Variants in COIL observed in about 807,000 individuals in gnomAD.
COIL encodes coilin p80.
Under a neutral mutation model 51.6 loss-of-function variants are expected in COIL, and 28 were observed. The observed-to-expected ratio is 0.54, with a 90% confidence interval of 0.40 to 0.74. COIL has a LOEUF of 0.74. Among genes scored for constraint, COIL ranks in the 30% least tolerant of loss-of-function variants. The pLI, the probability that COIL is intolerant of heterozygous loss-of-function variation, is 0.00. For missense variants in COIL, 667 were observed against 685.9 expected, an observed-to-expected ratio of 0.97 and a Z score of 0.31; for synonymous variants, 233 against 255.8, an observed-to-expected ratio of 0.91 and a Z score of 0.85.
At chr17:56,958,919 G>A (rs1304973919) in intron 1 of COIL, among the ~76,000 whole-genome samples, 1 of 152,170 alleles carries the variant, frequency 6.6e-6, no homozygotes, top group Non-Finnish European at 1.5e-5. Context: ...TAAATTCCCT[G>A]ATGTTCTGAA....
chr17:56,946,561 AT>A (rs764302069), intron 4 of COIL, 50 bp from the exon 5 acceptor site: 2 of 1,220,612 alleles, frequency 1.6e-6, no homozygotes, highest in South Asian at 2.6e-5. Flanking sequence ...AACACTGTGA[AT>A]ATACTAAAAA....
rs766262737 is a variant in COIL, at chr17:56,949,672, G to A, written c.1440+9C>T. On this transcript the variant is annotated intron_variant, in intron 3 of 6. Transcript: ENST00000240316. ...CCTTTTTTGCTGTGACTGTTCTTTT[G>A]AAATATACCTTAAATGCAATCTTTT... 6.2e-7 allele frequency: 1 copy of A among 1,609,942 alleles called. No homozygotes were observed. The highest frequency in any genetic ancestry group is 8.5e-7 in the Non-Finnish European group (1 of 1,176,190).
chr17:56,951,835 C>T (rs1362562600), intron 1 of COIL: 2 of 151,254 alleles, frequency 1.3e-5, no homozygotes, highest in Non-Finnish European at 2.9e-5. Flanking sequence ...GTCCCAACTC[C>T]GTCACCCAGG....
In COIL at chr17:56,949,547, T is replaced by A. The variant is rs1478878654; in HGVS notation, c.1441-113A>T. The A allele has an allele frequency of 4.3e-6, 6 of 1,397,492 alleles. No homozygotes were observed. In the South Asian group the frequency reaches 5.8e-5, roughly 14 times the overall value. 86.6% of individuals were successfully genotyped at this position (1,397,492 alleles called of 1,614,324 possible). A position where few individuals can be genotyped will look rare whatever the true frequency, so the allele number is the denominator to read the frequency against. ...TCCACCCCGACCAGTCTGGGAGCCC[T>A]ACCAGGAACCCGTAACAACACTGGG... On this transcript the variant is annotated intron_variant, in intron 3 of 6. Coordinates refer to ENST00000240316, the MANE Select transcript of COIL (RefSeq NM_004645.3).
rs2144399482 is a variant in COIL at position 56,950,898 on chromosome 17, T to C, written c.344A>G (p.Gln115Arg). 5 of 1,613,954 alleles carry C rather than the reference T, an allele frequency of 3.1e-6. No homozygotes were observed. The highest frequency in any genetic ancestry group is 4.5e-5 in the East Asian group (2 of 44,878). ...SLRKAKKRAF[Q>R]LEEGEETEPD... ...TTCAGTTTCTTCACCCTCCTCTAACTGAAATGCCCGCTTCTTTGCTTTTCT... is the reference window on the plus strand; with the variant it reads ...TTCAGTTTCTTCACCCTCCTCTAACCGAAATGCCCGCTTCTTTGCTTTTCT... Residue 115 changes from glutamine (Q) to arginine (R), a missense_variant, in exon 2 of 7, where the codon CAG becomes CGG. Physicochemically the swap from Gln to Arg is conservative, Grantham distance 43 (BLOSUM62 1). Coordinates refer to ENST00000240316, the MANE Select transcript of COIL (RefSeq NM_004645.3).
intron 1 of COIL, among the ~76,000 whole-genome samples, chr17:56,959,092 C>T (rs1910532995): frequency 6.6e-6 from 1 of 152,046 alleles, no homozygotes. Context: ...CGCCTGTAAT[C>T]CCAGTGCTTT....
intron 1 of COIL, among the ~76,000 whole-genome samples, chr17:56,959,188 T>C (rs559150263): frequency 2.0e-5 from 3 of 151,790 alleles, no homozygotes; most frequent in South Asian, 4.2e-4. Flanking sequence ...CTACAACAAA[T>C]ACAAAAATTA....
At position 56,949,712 on chromosome 17, in the gene COIL, G is replaced by T. The variant is rs748265700; in HGVS notation, c.1409C>A (p.Ala470Asp). The T allele has an allele frequency of 6.2e-7, 1 of 1,614,160 alleles. No homozygotes were observed. Among genetic ancestry groups the T allele is most frequent in the Non-Finnish European group, 8.5e-7 (1 of 1,179,984 alleles). ...TGCAATCTTTTCTCCAACTTGAGGG[G>T]CAGCTGCTAACAGTGGTAACAGACT... ...DYSLLPLLAA[A>D]PQVGEKIAFK... is the part of the protein sequence containing the mutation. Residue 470 changes from alanine to aspartate, a missense_variant, in exon 3 of 7, where the codon GCC (alanine) becomes GAC (aspartate). By Grantham distance (126) the Ala-to-Asp change is moderately radical. Transcript: ENST00000240316.
intron 6 of COIL, among the ~76,000 whole-genome samples, chr17:56,941,778 C>T (rs1910153336): frequency 6.6e-6 from 1 of 152,222 alleles, no homozygotes; most frequent in African/African-American, 2.4e-5. Flanking sequence ...ATATGCTACC[C>T]TTTCCTACTG....
chr17:56,955,994 T>C lies in COIL; in HGVS notation c.245+4781A>G, dbSNP rs192948030. Among the ~76,000 whole-genome samples the C allele has an allele frequency of 6.6e-5, 10 of 152,202 alleles. No individual in the cohort carries two copies. In the East Asian group the frequency reaches 9.6e-4, roughly 15 times the overall value. ...CTTTATATACTGAGATAGCCCATGATAGGTAAAAAAGCAAGGTGCAGAACA... is the reference window on the plus strand; with the variant it reads ...CTTTATATACTGAGATAGCCCATGACAGGTAAAAAAGCAAGGTGCAGAACA... On this transcript the variant is annotated intron_variant, in intron 1 of 6. Coordinates refer to ENST00000240316, the MANE Select transcript of COIL (RefSeq NM_004645.3).
chr17:56,951,432 G>A (rs1910367735), intron 1 of COIL: 1 of 155,440 alleles, frequency 6.4e-6, no homozygotes, highest in African/African-American at 2.4e-5. Context: ...CCTAAAAGGT[G>A]ATAATGCTGA....
At chr17:56,943,182 G>A (rs1021378322) in intron 5 of COIL, among the ~76,000 whole-genome samples, 2 of 152,160 alleles carry the variant, frequency 1.3e-5, no homozygotes, top group Admixed American at 1.3e-4. Context: ...TTGTGCAACT[G>A]TTATACTCTT....
intron 2 of COIL, 34 bp downstream of exon 2, chr17:56,949,855 A>G: frequency 1.2e-6 from 2 of 1,610,860 alleles, no homozygotes; most frequent in South Asian, 2.2e-5. Flanking sequence ...CTAAGGGGAA[A>G]GGGAGGAGAT....
chr17:56,960,763 T>G lies in COIL; in HGVS notation c.245+12A>C. On this transcript the variant is annotated intron_variant, in intron 1 of 6. Transcript: ENST00000240316. The stretch of plus-strand genomic sequence containing the variant: ...CCGCCCACCCGGCCGTCCCGCTCCC[T>G]GCGCCGCGCACCTGAGGCAGTCGTT... The G allele has an allele frequency of 7.0e-7, 1 of 1,423,858 alleles. No homozygotes were observed. The highest frequency in any genetic ancestry group is 9.3e-7 in the Non-Finnish European group (1 of 1,071,390). The allele number at this position is 1,423,858 out of a possible 1,614,324, so 88.2% of individuals were successfully genotyped here. A position where few individuals can be genotyped will look rare whatever the true frequency, so the allele number is the denominator to read the frequency against.
chr17:56,949,483 C>T, intron 3 of COIL, 49 bp from the exon 4 acceptor site: 2 of 1,564,126 alleles, frequency 1.3e-6, no homozygotes, highest in Non-Finnish European at 1.8e-6. Flanking sequence ...CTTATCCTCT[C>T]CCATTCCCAC....
In COIL at chr17:56,950,728, T is replaced by C; in HGVS notation, c.514A>G (p.Thr172Ala). Residue 172 changes from threonine (T) to alanine (A), a missense_variant, in exon 2 of 7, where the codon ACA becomes GCA. Coordinates refer to ENST00000240316, the MANE Select transcript of COIL (RefSeq NM_004645.3). ...NKRKNKATCG[T>A]VGDDNEEAKR... ...GCCTCTTCGTTATCATCACCCACTG[T>C]GCCACAGGTTGCTTTATTTTTTCTC... 6.2e-7 allele frequency: 1 copy of C among 1,614,046 alleles called. No individual in the cohort carries two copies. Among genetic ancestry groups the C allele is most frequent in the South Asian group, 1.1e-5 (1 of 91,044 alleles).
intron 4 of COIL, 107 bp from the exon 5 acceptor site, chr17:56,946,618 G>A: frequency 1.4e-6 from 1 of 691,206 alleles, no homozygotes; most frequent in Non-Finnish European, 2.4e-6. Flanking sequence ...TGAATTTTAT[G>A]TTATGTGAAT....
Position 56,950,401 on chromosome 17 carries a change from T to C in COIL, c.841A>G (p.Lys281Glu). ...SSEKLPTELS[K>E]EEPSTKNTTA... ...GTATTTTTGGTAGAGGGTTCTTCCT[T>C]TGATAACTCAGTTGGTAATTTCTCT... Residue 281 changes from lysine (K) to glutamate (E), a missense_variant, in exon 2 of 7, where the codon AAG (lysine) becomes GAG (glutamate). Physicochemically the swap from Lys to Glu is moderately conservative, Grantham distance 56. Transcript: ENST00000240316. 1 of 1,614,198 alleles carries C rather than the reference T, an allele frequency of 6.2e-7. No individual in the cohort carries two copies. Among genetic ancestry groups the C allele is most frequent in the Non-Finnish European group, 8.5e-7 (1 of 1,180,042 alleles).
At chr17:56,942,218 CACAA>C (rs1910163387) in intron 5 of COIL, 95 bp from the exon 6 acceptor site, 3 of 970,722 alleles carry the variant, frequency 3.1e-6, no homozygotes, top group African/African-American at 1.6e-5. Flanking sequence ...AGAAAACAAC[CACAA>C]ACAAACTGTC....
Sources: allele counts gnomAD v4.1 joint callset (sites outside exome capture counted in the v4.1 genomes callset), GRCh38; gene constraint gnomAD v4.1.1; transcripts MANE v1.5; gene names NCBI Gene and HGNC (gene_info 2026-07-23, HGNC 2026-07-21).